Variants in GABRB3 observed in about 807,000 individuals in gnomAD.
GABRB3 encodes the protein gamma-aminobutyric acid receptor subunit beta-3.
Under a neutral mutation model 52.1 loss-of-function variants are expected in GABRB3, and 14 were observed. That is an observed-to-expected ratio of 0.27 (90% confidence interval 0.18 to 0.42). GABRB3 has a LOEUF of 0.42. Among genes scored for constraint, GABRB3 ranks in the 10% least tolerant of loss-of-function variants. The probability of loss-of-function intolerance (pLI) is 1.00; values close to 1 mark genes in which losing one functional copy is unlikely to be tolerated. For missense variants in GABRB3, 307 were observed against 609.1 expected, an observed-to-expected ratio of 0.50 and a Z score of 5.22; for synonymous variants, 260 against 232.3, an observed-to-expected ratio of 1.12 and a Z score of -1.08.
intron 3 of GABRB3, among the ~76,000 whole-genome samples, chr15:26,652,746 C>G (rs781608289): frequency 6.6e-5 from 10 of 152,166 alleles, no homozygotes; most frequent in South Asian, 2.1e-4. Flanking sequence ...CTGAGTTGTA[C>G]CCTAAAAGGA....
intron 3 of GABRB3, among the ~76,000 whole-genome samples, chr15:26,741,855 C>T (rs985250853): frequency 3.3e-5 from 5 of 152,194 alleles, no homozygotes; most frequent in Non-Finnish European, 7.3e-5. Context: ...AGAGATGCTC[C>T]TGCCTTGGCC....
At chr15:26,658,011 G>T (rs577835317) in intron 3 of GABRB3, among the ~76,000 whole-genome samples, 11 of 152,156 alleles carry the variant, frequency 7.2e-5, no homozygotes, top group African/African-American at 1.7e-4. Flanking sequence ...AGGCCACAAG[G>T]TTCCAAACTT....
rs79465949 is a variant in GABRB3, at chr15:26,649,749, C to T, written c.241-28215G>A. On this transcript the variant is annotated intron_variant, in intron 3 of 8. Transcript: ENST00000311550. Reference sequence around the variant, plus strand: ...GAAGATAAGTCGATAAAAGAATGGACGGATGGATGCATAGATAGATGGTAG... The same window carrying T: ...GAAGATAAGTCGATAAAAGAATGGATGGATGGATGCATAGATAGATGGTAG... Among the ~76,000 whole-genome samples, 115 of 145,988 alleles carry T rather than the reference C, an allele frequency of 7.9e-4. 2 individuals are homozygous for T. The East Asian group carries it at 0.018, about 23-fold the overall frequency.
At chr15:26,579,104 G>C (rs140856105) in intron 6 of GABRB3, among the ~76,000 whole-genome samples, 1 of 152,190 alleles carries the variant, frequency 6.6e-6, no homozygotes, top group Non-Finnish European at 1.5e-5. Flanking sequence ...GTGGAGAGGA[G>C]GGAACGTTGC....
intron 3 of GABRB3, among the ~76,000 whole-genome samples, chr15:26,743,974 G>A (rs1351823309): frequency 6.6e-6 from 1 of 152,108 alleles, no homozygotes; most frequent in Admixed American, 6.6e-5. Context: ...TTTACTGATG[G>A]GGAAGGAAAC....
At chr15:26,642,371 G>T in intron 3 of GABRB3, 1 of 678,280 alleles carries the variant, frequency 1.5e-6, no homozygotes, top group Non-Finnish European at 2.2e-6. Context: ...GTATGGGGGT[G>T]GTCCTGGAAC....
At chr15:26,631,395 AT>A (rs1440898756) in intron 3 of GABRB3, among the ~76,000 whole-genome samples, 3 of 152,238 alleles carry the variant, frequency 2.0e-5, no homozygotes, top group Non-Finnish European at 4.4e-5. Context: ...TTATTCTGCA[AT>A]TAAGTAATTG....
chr15:26,600,326 A>T (rs1891542765), intron 4 of GABRB3, among the ~76,000 whole-genome samples: 1 of 152,162 alleles, frequency 6.6e-6, no homozygotes, highest in Non-Finnish European at 1.5e-5. Flanking sequence ...AGCATATTTT[A>T]AAAAATAGTG....
At chr15:26,744,373 A>G (rs899957280) in intron 3 of GABRB3, among the ~76,000 whole-genome samples, 1 of 152,230 alleles carries the variant, frequency 6.6e-6, no homozygotes, top group East Asian at 1.9e-4. Context: ...ATTGAAATAA[A>G]GAGTTAATAA....
intron 8 of GABRB3, among the ~76,000 whole-genome samples, chr15:26,559,547 T>G (rs1230614883): frequency 6.6e-6 from 1 of 151,886 alleles, no homozygotes; most frequent in Non-Finnish European, 1.5e-5. Context: ...TGTAAACAGG[T>G]AGAAATATAT....
At chr15:26,627,607 A>G (rs1424112947) in intron 3 of GABRB3, among the ~76,000 whole-genome samples, 1 of 151,980 alleles carries the variant, frequency 6.6e-6, no homozygotes, top group Non-Finnish European at 1.5e-5. Context: ...GTCATTGCAG[A>G]TGTGGTGGGA....
intron 3 of GABRB3, among the ~76,000 whole-genome samples, chr15:26,623,142 C>G (rs1392734332): frequency 6.6e-6 from 1 of 152,130 alleles, no homozygotes; most frequent in African/African-American, 2.4e-5. Context: ...GCAGGTACAG[C>G]ACATCGAAAA....
intron 4 of GABRB3, among the ~76,000 whole-genome samples, chr15:26,620,318 T>C (rs1892435690): frequency 6.6e-6 from 1 of 152,206 alleles, no homozygotes; most frequent in African/African-American, 2.4e-5. Context: ...CATGTTCTAT[T>C]TGAGGCTATG....
At chr15:26,585,991 TTTTGTTTGTTTG>T (rs112657892) in intron 4 of GABRB3, among the ~76,000 whole-genome samples, 53 of 152,064 alleles carry the variant, frequency 3.5e-4, no homozygotes, top group African/African-American at 1.1e-3. Context: ...TTAATTTTCT[TTTTGTTTGTTTG>T]TTTGTTTGTT....
chr15:26,656,049 G>A (rs375855045), intron 3 of GABRB3, among the ~76,000 whole-genome samples: 7 of 151,986 alleles, frequency 4.6e-5, no homozygotes, highest in Admixed American at 1.3e-4. Context: ...TCATCTCTTC[G>A]TTACTTTGGG....
chr15:26,703,271 G>A (rs1888993879), intron 3 of GABRB3, among the ~76,000 whole-genome samples: 1 of 152,138 alleles, frequency 6.6e-6, no homozygotes, highest in African/African-American at 2.4e-5. Context: ...GGGCCTTTTT[G>A]CTGTATCTTC....
intron 4 of GABRB3, chr15:26,615,361 T>C: frequency 2.0e-6 from 2 of 985,488 alleles, no homozygotes; most frequent in Non-Finnish European, 2.4e-6. Context: ...TTCTCTCCCA[T>C]CACATGCTGA....
intron 3 of GABRB3, among the ~76,000 whole-genome samples, chr15:26,632,932 G>GA (rs1892950122): frequency 6.6e-6 from 1 of 152,172 alleles, no homozygotes; most frequent in Admixed American, 6.5e-5. Flanking sequence ...AGTCACCCCT[G>GA]AAAGAAGACC....
intron 4 of GABRB3, among the ~76,000 whole-genome samples, chr15:26,589,110 C>T (rs562041357): frequency 6.6e-6 from 1 of 152,312 alleles, no homozygotes; most frequent in South Asian, 2.1e-4. Flanking sequence ...GAAGGGTTTT[C>T]ATTTTGTCTC....
Sources: gnomAD v4.1 joint callset for allele counts (sites outside exome capture counted in the v4.1 genomes callset) on GRCh38, gnomAD v4.1.1 for gene constraint, MANE v1.5 for transcripts, NCBI Gene and HGNC (gene_info 2026-07-23, HGNC 2026-07-21) for gene names.